RBMS3: variants seen among roughly 807,000 people sequenced by gnomAD.
The protein encoded by RBMS3 is RNA binding motif single stranded interacting protein 3.
A neutral mutation model predicts 66.8 loss-of-function variants in RBMS3; 27 were observed. The observed-to-expected ratio is 0.40, with a 90% CI of 0.30 to 0.56. The LOEUF (loss-of-function observed/expected upper bound fraction) is 0.56. Among genes scored for constraint, RBMS3 ranks in the 20% least tolerant of loss-of-function variants. The pLI is 0.40. For synonymous variants in RBMS3, 188 were observed against 183.0 expected, an observed-to-expected ratio of 1.03 and a Z score of -0.22; for missense variants, 513 against 549.5, an observed-to-expected ratio of 0.93 and a Z score of 0.66.
chr3:29,356,331 C>A (rs1459723386), intron 1 of RBMS3, among the ~76,000 whole-genome samples: 1 of 152,114 alleles, frequency 6.6e-6, no homozygotes, highest in East Asian at 1.9e-4. Context: ...TGGGAAAATA[C>A]TTTTGTTCTA....
chr3:29,761,706 A>T (rs1215040051), intron 5 of RBMS3, among the ~76,000 whole-genome samples: 4 of 152,190 alleles, frequency 2.6e-5, no homozygotes, highest in African/African-American at 4.8e-5. Flanking sequence ...TGGCCATGTA[A>T]TATGGTCCTG....
intron 14 of RBMS3, among the ~76,000 whole-genome samples, chr3:30,000,762 A>G (rs1699564721): frequency 6.6e-6 from 1 of 152,170 alleles, no homozygotes; most frequent in Non-Finnish European, 1.5e-5. Flanking sequence ...ACTGGAAACC[A>G]TCATTCTCAG....
At chr3:29,403,760 T>A (rs1009727734) in intron 1 of RBMS3, among the ~76,000 whole-genome samples, 1 of 152,122 alleles carries the variant, frequency 6.6e-6, no homozygotes, top group Non-Finnish European at 1.5e-5. Context: ...ATTAAAGATT[T>A]CTATTAATAA....
intron 1 of RBMS3, among the ~76,000 whole-genome samples, chr3:29,346,465 G>GC (rs1243011547): frequency 2.1e-5 from 3 of 140,802 alleles, no homozygotes; most frequent in Non-Finnish European, 4.5e-5. Context: ...ATGTAGTGGC[G>GC]CGATCTCAGC....
At chr3:29,739,284 G>A (rs968450142) in intron 4 of RBMS3, among the ~76,000 whole-genome samples, 6 of 151,794 alleles carry the variant, frequency 4.0e-5, no homozygotes, top group African/African-American at 1.2e-4. Flanking sequence ...GTGAAACCCC[G>A]TCTCTACTAA....
At chr3:29,758,171 G>T (rs551017635) in intron 5 of RBMS3, among the ~76,000 whole-genome samples, 8 of 152,272 alleles carry the variant, frequency 5.3e-5, no homozygotes, top group African/African-American at 1.9e-4. Context: ...ATAGTGGCTG[G>T]GTAGAGTGGA....
intron 3 of RBMS3, among the ~76,000 whole-genome samples, chr3:29,557,759 C>T (rs1200758482): frequency 6.6e-6 from 1 of 152,098 alleles, no homozygotes; most frequent in East Asian, 1.9e-4. Flanking sequence ...TAATTTTCTC[C>T]TAATTTTGGA....
chr3:29,621,517 T>A (rs979015767), intron 4 of RBMS3, among the ~76,000 whole-genome samples: 2 of 152,184 alleles, frequency 1.3e-5, no homozygotes, highest in Non-Finnish European at 2.9e-5. Context: ...TAAAAGATGG[T>A]TGTTATATCT....
chr3:29,750,067 A>C (rs960472516), intron 5 of RBMS3, among the ~76,000 whole-genome samples: 5 of 152,188 alleles, frequency 3.3e-5, no homozygotes, highest in African/African-American at 9.6e-5. Flanking sequence ...AGAGTCAGTA[A>C]TGTTGCAAAC....
chr3:29,735,910 G>T (rs2054359415), intron 4 of RBMS3, among the ~76,000 whole-genome samples: 2 of 152,012 alleles, frequency 1.3e-5, no homozygotes, highest in Non-Finnish European at 2.9e-5. Flanking sequence ...TGCCACCTTA[G>T]GTCCATTCAG....
intron 1 of RBMS3, among the ~76,000 whole-genome samples, chr3:29,369,452 T>G (rs2038075216): frequency 6.7e-6 from 1 of 150,008 alleles, no homozygotes; most frequent in South Asian, 2.1e-4. Context: ...CTTAAGCCAG[T>G]GTCCCCACCT....
rs551657024 is a variant in RBMS3, at chr3:29,716,287, C to T, written c.400-23433C>T. 5.2e-4 allele frequency among the ~76,000 whole-genome samples: 79 copies of T among 152,108 alleles called. 1 individual carries two copies. The highest frequency in any genetic ancestry group is 1.7e-3 in the African/African-American group (70 of 41,516). On this transcript the variant is annotated intron_variant, in intron 4 of 14. Coordinates refer to ENST00000383767, the MANE Select transcript of RBMS3 (RefSeq NM_001003793.3). ...AGATATCTGGGCAAAGTAACTAGGTCGAAATATTTGCTTATTACCATACAA... is the reference window on the plus strand; with the variant it reads ...AGATATCTGGGCAAAGTAACTAGGTTGAAATATTTGCTTATTACCATACAA...
At chr3:29,724,619 T>C (rs77122311) in intron 4 of RBMS3, among the ~76,000 whole-genome samples, 15,274 of 152,200 alleles carry the variant, frequency 0.1, 877 homozygotes, top group Middle Eastern at 0.21. Flanking sequence ...AGTTATACAG[T>C]CAATCCAAAT....
intron 4 of RBMS3, among the ~76,000 whole-genome samples, chr3:29,665,149 C>A (rs866322575): frequency 1.3e-5 from 2 of 152,212 alleles, no homozygotes; most frequent in Non-Finnish European, 2.9e-5. Flanking sequence ...CCAATTCTTA[C>A]CAGATTTCTG....
chr3:29,461,492 A>G (rs1405666168), intron 2 of RBMS3, among the ~76,000 whole-genome samples: 1 of 152,232 alleles, frequency 6.6e-6, no homozygotes, highest in African/African-American at 2.4e-5. Context: ...CTGTTTACAA[A>G]CTGTTAACAA....
chr3:29,459,219 T>C (rs529190761), intron 2 of RBMS3, among the ~76,000 whole-genome samples: 93 of 152,292 alleles, frequency 6.1e-4, no homozygotes, highest in Middle Eastern at 3.4e-3. Context: ...AAGAAGTGAT[T>C]GATAAGTTTT....
At chr3:29,724,120 C>G (rs1340438319) in intron 4 of RBMS3, among the ~76,000 whole-genome samples, 1 of 151,968 alleles carries the variant, frequency 6.6e-6, no homozygotes, top group East Asian at 1.9e-4. Context: ...TAATATATTT[C>G]TTGATTCTCT....
intron 10 of RBMS3, among the ~76,000 whole-genome samples, chr3:29,904,391 T>C (rs1053412886): frequency 1.3e-5 from 2 of 152,000 alleles, no homozygotes; most frequent in African/African-American, 2.4e-5. Flanking sequence ...ATTTTTAATA[T>C]AGAAACAATA....
Position 29,734,848 on chromosome 3 carries a change from A to G in RBMS3, c.400-4872A>G, listed in dbSNP as rs1338764185. ...TGCATTTTGCATATCCTTTTATTTT[A>G]TTTTCTATTAATTTATTTTTCTTAT... On this transcript the variant is annotated intron_variant, in intron 4 of 14. Coordinates refer to ENST00000383767, the MANE Select transcript of RBMS3 (RefSeq NM_001003793.3). Among the ~76,000 whole-genome samples the G allele has an allele frequency of 9.2e-5, 14 of 152,040 alleles. 1 individual carries two copies. The highest frequency in any genetic ancestry group is 9.2e-4 in the Admixed American group (14 of 15,256).
Sources: allele counts gnomAD v4.1 joint callset (sites outside exome capture counted in the v4.1 genomes callset), GRCh38; gene constraint gnomAD v4.1.1; transcripts MANE v1.5; gene names NCBI Gene and HGNC (gene_info 2026-07-23, HGNC 2026-07-21).